The following NUP93 variants were observed in gnomAD, a reference collection of about 807,000 sequenced individuals.
NUP93 encodes the protein nucleoporin 93, also known as nuclear pore complex protein Nup93.
Under a neutral mutation model 107.8 loss-of-function variants are expected in NUP93, and 55 were observed. The observed-to-expected ratio is 0.51, with a 90% CI of 0.41 to 0.64. The LOEUF (loss-of-function observed/expected upper bound fraction) is 0.64. NUP93 is among the 30% of genes least tolerant of loss of function. The pLI, the probability that NUP93 is intolerant of heterozygous loss-of-function variation, is 0.00. For synonymous variants in NUP93, 390 were observed against 397.5 expected, an observed-to-expected ratio of 0.98 and a Z score of 0.22; for missense variants, 937 against 1,044.7, an observed-to-expected ratio of 0.90 and a Z score of 1.42.
chr16:56,785,943 T>C (rs1251986381), intron 3 of NUP93, among the ~76,000 whole-genome samples: 1 of 152,236 alleles, frequency 6.6e-6, no homozygotes, highest in African/African-American at 2.4e-5. Context: ...TTTTCTTTTT[T>C]AGTATAAAAA....
At chr16:56,777,683 T>G (rs1480589892) in intron 3 of NUP93, among the ~76,000 whole-genome samples, 1 of 152,210 alleles carries the variant, frequency 6.6e-6, no homozygotes, top group African/African-American at 2.4e-5. Context: ...TCCCCGAACT[T>G]CCGTGGCTGT....
Position 56,818,733 on chromosome 16 carries a change from C to T in NUP93, c.559C>T (p.Arg187Trp), listed in dbSNP as rs189324020. Residue 187 changes from arginine to tryptophan, a missense_variant, in exon 6 of 22, where the codon CGG becomes TGG. Transcript: ENST00000308159. ...GGATAACATCGAGATGGCCTATGCGCGGCAAGTGAGTGTGATTTTAAGGGG... is the reference window on the plus strand; with the variant it reads ...GGATAACATCGAGATGGCCTATGCGTGGCAAGTGAGTGTGATTTTAAGGGG... Reference protein sequence around the residue: ...SLDNIEMAYARQIYIYNEKIV... With the variant: ...SLDNIEMAYAWQIYIYNEKIV... 74 of 1,613,410 alleles carry T rather than the reference C, an allele frequency of 4.6e-5. No individual in the cohort carries two copies. The highest frequency in any genetic ancestry group is 8.0e-5 in the African/African-American group (6 of 74,900).
At chr16:56,833,551 T>C (rs1963846201) in intron 13 of NUP93, 145 bp downstream of exon 13, 2 of 623,880 alleles carry the variant, frequency 3.2e-6, no homozygotes, top group Non-Finnish European at 5.1e-6. Context: ...GCTTTTTAGA[T>C]GATTAGTGTT....
chr16:56,844,216 G>C (rs1312206875), intron 21 of NUP93, among the ~76,000 whole-genome samples: 5 of 152,178 alleles, frequency 3.3e-5, no homozygotes. Context: ...CAAATGTGTT[G>C]GGGCGAGGCG....
intron 3 of NUP93, among the ~76,000 whole-genome samples, chr16:56,766,082 T>TA (rs1792358577): frequency 6.6e-6 from 1 of 152,244 alleles, no homozygotes; most frequent in Non-Finnish European, 1.5e-5. Context: ...CATTCACACT[T>TA]ACTCCTGAAT....
rs376717902 is a variant in NUP93 at position 56,818,853 on chromosome 16, AT to A, written c.564+118del. 339 of 809,878 alleles carry A rather than the reference AT, an allele frequency of 4.2e-4. No homozygotes were observed. The African/African-American group carries it at 5.4e-3, about 13-fold the overall frequency. The allele number at this position is 809,878 out of a possible 1,614,324, so 50.2% of individuals were successfully genotyped here. A position where few individuals can be genotyped will look rare whatever the true frequency, so the allele number is the denominator to read the frequency against. On this transcript the variant is annotated intron_variant, in intron 6 of 21. Transcript: ENST00000308159. The stretch of plus-strand genomic sequence containing the variant: ...CCCTGAAAGCAAGTTGTATTTTTTC[AT>A]TTAGAGAACTAGTTAATATTTTAGC...
intron 5 of NUP93, among the ~76,000 whole-genome samples, chr16:56,810,857 A>G (rs1474497214): frequency 1.3e-5 from 2 of 152,140 alleles, no homozygotes; most frequent in Non-Finnish European, 2.9e-5. Flanking sequence ...CCAATATCAT[A>G]AATTAATTTT....
intron 9 of NUP93, 126 bp from the exon 10 acceptor site, chr16:56,830,402 G>C: frequency 1.2e-6 from 1 of 858,754 alleles, no homozygotes. Context: ...GGTTCTCACT[G>C]CAGGGAGCTG....
Position 56,813,676 on chromosome 16 carries a change from C to T in NUP93, c.490-4988C>T, listed in dbSNP as rs77282623. Among the ~76,000 whole-genome samples the T allele has an allele frequency of 8.3e-4, 127 of 152,334 alleles. 3 individuals are homozygous for T. In the East Asian group the frequency reaches 0.024, roughly 29 times the overall value. The stretch of plus-strand genomic sequence containing the variant: ...TGGTGTATACCCTTCCAGTTTCTCC[C>T]AGGGGCTTACATGCACATCTGTATA... On this transcript the variant is annotated intron_variant, in intron 5 of 21. Transcript: ENST00000308159.
chr16:56,819,986 C>T (rs181035863), intron 6 of NUP93, among the ~76,000 whole-genome samples: 1 of 152,258 alleles, frequency 6.6e-6, no homozygotes, highest in East Asian at 1.9e-4. Flanking sequence ...CTTTTTACTC[C>T]CCCTGTGCAT....
In NUP93 at chr16:56,837,705, T is replaced by TG; in HGVS notation, c.1999dup (p.Ala667GlyfsTer9). The TG allele has an allele frequency of 6.2e-7, 1 of 1,614,010 alleles. No homozygotes were observed. The highest frequency in any genetic ancestry group is 8.5e-7 in the Non-Finnish European group (1 of 1,179,918). Reference sequence around the variant, plus strand: ...TCCAACAAGGAGAGGCTGAAGAACATGGCACTCTCCATTGCCGAACGGTAA... The same window carrying TG: ...TCCAACAAGGAGAGGCTGAAGAACATGGGCACTCTCCATTGCCGAACGGTAA... On this transcript the variant is annotated frameshift_variant, in exon 18 of 22. Transcript: ENST00000308159. LOFTEE classifies it high-confidence loss of function.
intron 5 of NUP93, among the ~76,000 whole-genome samples, chr16:56,817,175 A>C (rs547486841): frequency 4.9e-4 from 75 of 152,302 alleles, no homozygotes; most frequent in African/African-American, 1.7e-3. Context: ...AAGATCACCT[A>C]GGATAGCCCC....
rs1567418134 is a variant in NUP93, at chr16:56,848,149, A to G, written c.*3540A>G. On this transcript the variant is annotated 3_prime_UTR_variant, in exon 22 of 22. Coordinates refer to ENST00000308159, the MANE Select transcript of NUP93 (RefSeq NM_014669.5). The stretch of plus-strand genomic sequence containing the variant: ...CTTTGTCTAGTTCATTAGGTGGTTC[A>G]CATCACTTGCCAAATTTCCAGCATG... 1 of 152,202 alleles carries G rather than the reference A, an allele frequency of 6.6e-6. No individual in the cohort carries two copies. Among genetic ancestry groups the G allele is most frequent in the Non-Finnish European group, 1.5e-5 (1 of 68,046 alleles). 9.4% of individuals were successfully genotyped at this position (152,202 alleles called of 1,614,324 possible).
chr16:56,824,619 A>G (rs1172739874), intron 8 of NUP93, among the ~76,000 whole-genome samples: 1 of 152,182 alleles, frequency 6.6e-6, no homozygotes, highest in Non-Finnish European at 1.5e-5. Context: ...GGCCTTTGCC[A>G]CTCAGCCTCT....
At chr16:56,830,270 A>G (rs1963753627) in intron 9 of NUP93, among the ~76,000 whole-genome samples, 1 of 152,220 alleles carries the variant, frequency 6.6e-6, no homozygotes, top group Non-Finnish European at 1.5e-5. Flanking sequence ...CAAGTTGGGT[A>G]CAAAGCACTT....
chr16:56,745,790 T>G (rs1179595431), intron 1 of NUP93, among the ~76,000 whole-genome samples: 2 of 152,234 alleles, frequency 1.3e-5, no homozygotes, highest in Non-Finnish European at 2.9e-5. Context: ...GTTCAGAGAT[T>G]CAACCTTTAT....
At chr16:56,795,432 C>T (rs958998111) in intron 3 of NUP93, among the ~76,000 whole-genome samples, 6 of 152,080 alleles carry the variant, frequency 3.9e-5, no homozygotes, top group Non-Finnish European at 8.8e-5. Context: ...TAGCCAAAAG[C>T]AGGTAGGTGG....
At chr16:56,733,713 G>A (rs1961569166) in intron 1 of NUP93, among the ~76,000 whole-genome samples, 1 of 152,138 alleles carries the variant, frequency 6.6e-6, no homozygotes, top group South Asian at 2.1e-4. Context: ...AGAGATATGA[G>A]AATCCCCTTT....
Position 56,830,677 on chromosome 16 carries a change from G to T in NUP93, c.1077G>T (p.Lys359Asn). The change falls in exon 10 of 22, where the codon AAG (lysine) becomes AAT (asparagine). Residue 359 changes from lysine (K) to asparagine (N), a missense_variant. Physicochemically the swap from Lys to Asn is moderately conservative, Grantham distance 94. Coordinates refer to ENST00000308159, the MANE Select transcript of NUP93 (RefSeq NM_014669.5). ...GGTTCCAGGAGTACATGAACAGCAA[G>T]GACAGAAGGTATGGTGAATGAGGTG... ...KTWFQEYMNS[K>N]DRRLSPATEN... 1 of 1,573,584 alleles carries T rather than the reference G, an allele frequency of 6.4e-7. No individual in the cohort carries two copies.
Sources: allele counts gnomAD v4.1 joint callset (sites outside exome capture counted in the v4.1 genomes callset), GRCh38; gene constraint gnomAD v4.1.1; transcripts MANE v1.5; gene names NCBI Gene and HGNC (gene_info 2026-07-23, HGNC 2026-07-21).